GRK7: variants seen among roughly 807,000 people sequenced by gnomAD.
GRK7 encodes the protein G protein-coupled receptor kinase 7.
In GRK7, 24 loss-of-function variants were observed where a neutral mutation model predicts 34.1. The observed-to-expected ratio is 0.70, with a 90% CI of 0.51 to 0.99. The LOEUF (loss-of-function observed/expected upper bound fraction) is 0.99. Ranked by LOEUF, GRK7 falls within the 50% of genes least tolerant of loss-of-function variation. The pLI, the probability that GRK7 is intolerant of heterozygous loss-of-function variation, is 0.00. For missense variants in GRK7, 644 were observed against 707.3 expected (o/e 0.91, Z 1.02); for synonymous variants, 256 against 279.4 (o/e 0.92, Z 0.84).
Position 141,816,896 on chromosome 3 carries a change from A to G in GRK7, c.1508A>G (p.Gln503Arg). 6.2e-7 allele frequency: 1 copy of G among 1,614,186 alleles called. No individual in the cohort carries two copies. The highest frequency in any genetic ancestry group is 8.5e-7 in the Non-Finnish European group (1 of 1,180,038). The change falls in exon 6 of 6, where the codon CAG becomes CGG. Residue 503 changes from glutamine to arginine, a missense_variant. By Grantham distance (43) the Gln-to-Arg change is conservative. Coordinates refer to ENST00000682958, the MANE Select transcript of GRK7 (RefSeq NM_139209.3). Reference protein sequence around the residue: ...RGVEFDDKDKQFFKNFATGAV... With the variant: ...RGVEFDDKDKRFFKNFATGAV... ...GTGGAATTTGATGACAAAGATAAGCAGTTCTTCAAAAACTTTGCGACAGGT... is the reference window on the plus strand; with the variant it reads ...GTGGAATTTGATGACAAAGATAAGCGGTTCTTCAAAAACTTTGCGACAGGT...
chr3:141,798,148 GATCT>G (rs1710914528), intron 4 of GRK7, among the ~76,000 whole-genome samples: 1 of 152,146 alleles, frequency 6.6e-6, no homozygotes. Context: ...ACGGGCTTGG[GATCT>G]TAATCACACC....
In GRK7 at chr3:141,817,155, C is replaced by T; in HGVS notation, c.*105C>T. On this transcript the variant is annotated 3_prime_UTR_variant, in exon 6 of 6. Transcript: ENST00000682958. The stretch of plus-strand genomic sequence containing the variant: ...ATGAGGGCTAATCAGTTAGGAGGGA[C>T]ATCACAACCACAAAACAATTCAAAA... 1.3e-6 allele frequency: 1 copy of T among 793,130 alleles called. No homozygotes were observed. Among genetic ancestry groups the T allele is most frequent in the African/African-American group, 1.7e-5 (1 of 58,184 alleles). 49.1% of individuals were successfully genotyped at this position (793,130 alleles called of 1,614,324 possible). A position where few individuals can be genotyped will look rare whatever the true frequency, so the allele number is the denominator to read the frequency against.
intron 4 of GRK7, among the ~76,000 whole-genome samples, chr3:141,806,806 G>A (rs913950536): frequency 1.3e-5 from 2 of 151,920 alleles, no homozygotes; most frequent in African/African-American, 4.8e-5. Context: ...CTGGAGATTG[G>A]TTGCACAACA....
rs759524252 is a variant in GRK7 at position 141,765,026 on chromosome 3, G to A, written c.-927G>A. On this transcript the variant is annotated 5_prime_UTR_variant, in exon 1 of 6. In the 5' UTR this introduces an upstream ATG that the reference lacks. Coordinates refer to ENST00000682958, the MANE Select transcript of GRK7 (RefSeq NM_139209.3). ...GTTTTAACCCTTGCCCCTTCTGTCTGTGATCCTGTTAAAATGTCCATCTGA... is the reference window on the plus strand; with the variant it reads ...GTTTTAACCCTTGCCCCTTCTGTCTATGATCCTGTTAAAATGTCCATCTGA... Among the ~76,000 whole-genome samples the A allele has an allele frequency of 6.6e-6, 1 of 152,192 alleles. No homozygotes were observed. The highest frequency in any genetic ancestry group is 2.4e-5 in the African/African-American group (1 of 41,446).
rs367713100 is a variant in GRK7 at position 141,774,732 on chromosome 3, T to G, written c.-114+52T>G. On this transcript the variant is annotated intron_variant, in intron 2 of 5. Transcript: ENST00000682958. ...AGGTACCATATTATCATTTTATAAC[T>G]TCTATATTTTGTGTCAAATATTATT... Among the ~76,000 whole-genome samples the G allele has an allele frequency of 5.1e-4, 77 of 151,856 alleles. 1 individual carries two copies. The South Asian group carries it at 0.015, about 30-fold the overall frequency.
intron 5 of GRK7, among the ~76,000 whole-genome samples, chr3:141,815,235 G>C (rs9682877): frequency 1.1e-4 from 2 of 17,868 alleles, no homozygotes; most frequent in Admixed American, 1.3e-3. Flanking sequence ...GGTTTTTTTT[G>C]TTTGTTTGTT....
chr3:141,803,240 A>C (rs977633810), intron 4 of GRK7, among the ~76,000 whole-genome samples: 8 of 147,202 alleles, frequency 5.4e-5, no homozygotes, highest in Non-Finnish European at 7.4e-5. Flanking sequence ...CAGCCTGGCC[A>C]ACATGGTGAA....
At chr3:141,793,409 G>A (rs969069510) in intron 4 of GRK7, among the ~76,000 whole-genome samples, 3 of 152,208 alleles carry the variant, frequency 2.0e-5, no homozygotes, top group Non-Finnish European at 4.4e-5. Flanking sequence ...ATTGCTGGCT[G>A]GTTTGTGTTT....
chr3:141,766,147 T>TGGGGTC (rs774358886), intron 1 of GRK7, among the ~76,000 whole-genome samples: 73,850 of 151,436 alleles, frequency 0.49, 18,355 homozygotes, highest in South Asian at 0.62. Flanking sequence ...CATTTAACAT[T>TGGGGTC]TACACGCTTA....
chr3:141,779,649 C>T (rs574607726), intron 3 of GRK7, among the ~76,000 whole-genome samples: 3 of 152,298 alleles, frequency 2.0e-5, no homozygotes, highest in South Asian at 2.1e-4. Context: ...ATCCAAGACA[C>T]TCTCATCACC....
chr3:141,778,385 G>A lies in GRK7; in HGVS notation c.101G>A (p.Arg34Gln), dbSNP rs1175207372. ...GACAGCAAAGAGCTGCAGCGGCGGCGGCGTAGCCTGGCCCTGCCCGGGCTG... is the reference window on the plus strand; with the variant it reads ...GACAGCAAAGAGCTGCAGCGGCGGCAGCGTAGCCTGGCCCTGCCCGGGCTG... The part of the protein sequence containing the change: ...DCDSKELQRR[R>Q]RSLALPGLQG... The change falls in exon 3 of 6, where the codon CGG (arginine) becomes CAG (glutamine). Residue 34 changes from arginine to glutamine, a missense_variant. Arg to Gln is a conservative substitution (Grantham distance 43). Transcript: ENST00000682958. This position sits in a 1 kb window ranked among gnomAD's most constrained non-coding sequence, Gnocchi z 4.1. 6 of 1,611,746 alleles carry A rather than the reference G, an allele frequency of 3.7e-6. No homozygotes were observed. The highest frequency in any genetic ancestry group is 1.3e-5 in the African/African-American group (1 of 74,914).
At chr3:141,786,932 C>T (rs561693167) in intron 4 of GRK7, among the ~76,000 whole-genome samples, 62 of 152,278 alleles carry the variant, frequency 4.1e-4, no homozygotes, top group African/African-American at 1.3e-3. Flanking sequence ...GGCCTCTGTG[C>T]ACCCTGCTGG....
At chr3:141,777,799 G>T (rs1177204769) in intron 2 of GRK7, among the ~76,000 whole-genome samples, 1 of 152,086 alleles carries the variant, frequency 6.6e-6, no homozygotes. Context: ...GGAGGAAACT[G>T]CTCTGACTTC....
intron 4 of GRK7, among the ~76,000 whole-genome samples, chr3:141,796,754 A>T (rs1710884811): frequency 6.6e-6 from 1 of 152,190 alleles, no homozygotes; most frequent in Non-Finnish European, 1.5e-5. Flanking sequence ...GAAACCACTG[A>T]AGAACACGCT....
At chr3:141,798,984 G>GGGCC (rs1710922264) in intron 4 of GRK7, among the ~76,000 whole-genome samples, 1 of 152,210 alleles carries the variant, frequency 6.6e-6, no homozygotes, top group Non-Finnish European at 1.5e-5. Flanking sequence ...GGGGTCTACA[G>GGGCC]TGCTGTAAAG....
rs74446367 is a variant in GRK7 at position 141,782,174 on chromosome 3, C to T, written c.1050+1363C>T. Among the ~76,000 whole-genome samples the T allele has an allele frequency of 7.0e-3, 1,071 of 152,200 alleles. 11 individuals carry two copies. The highest frequency in any genetic ancestry group is 0.017 in the Middle Eastern group (5 of 294). On this transcript the variant is annotated intron_variant, in intron 4 of 5. Coordinates refer to ENST00000682958, the MANE Select transcript of GRK7 (RefSeq NM_139209.3). ...GATTTCTGTCTTAAAAAGACCAATGCGGCAACAATTTGGAAGTTAGATGGT... is the reference window on the plus strand; with the variant it reads ...GATTTCTGTCTTAAAAAGACCAATGTGGCAACAATTTGGAAGTTAGATGGT...
intron 4 of GRK7, among the ~76,000 whole-genome samples, chr3:141,791,157 C>G (rs2084722206): frequency 6.6e-6 from 1 of 152,142 alleles, no homozygotes; most frequent in Non-Finnish European, 1.5e-5. Flanking sequence ...CCTGGTCCTG[C>G]CTTGAAGTCT....
At position 141,817,002 on chromosome 3, in the gene GRK7, T is replaced by G. The variant is rs1179702738; in HGVS notation, c.1614T>G (p.Gly538=). ...EELNDPNRPT[G]CEEGNSSKSG... is the part of the protein sequence containing the mutation. ...TGAATGACCCCAACAGACCTACGGG[T>G]TGTGAGGAGGGTAATTCATCCAAGT... Residue 538 remains glycine (G), a synonymous_variant, in exon 6 of 6, where the codon GGT becomes GGG. Coordinates refer to ENST00000682958, the MANE Select transcript of GRK7 (RefSeq NM_139209.3). 1.9e-6 allele frequency: 3 copies of G among 1,612,282 alleles called. No individual in the cohort carries two copies. Among genetic ancestry groups the G allele is most frequent in the African/African-American group, 1.3e-5 (1 of 74,792 alleles).
rs1476264029 is a variant in GRK7 at position 141,787,362 on chromosome 3, GC to G, written c.1050+6553del. Among the ~76,000 whole-genome samples, 6 of 152,188 alleles carry G rather than the reference GC, an allele frequency of 3.9e-5. No individual in the cohort carries two copies. In the East Asian group the frequency reaches 7.7e-4, roughly 20 times the overall value. Reference sequence around the variant, plus strand: ...AGAAGGGCTGGGTGCTATGGCTGATGCCTATAATCCCAGCAGTTTGGGAGGC... The same window carrying G: ...AGAAGGGCTGGGTGCTATGGCTGATGCTATAATCCCAGCAGTTTGGGAGGC... On this transcript the variant is annotated intron_variant, in intron 4 of 5. Transcript: ENST00000682958.
Sources: gnomAD v4.1 joint callset for allele counts (sites outside exome capture counted in the v4.1 genomes callset) on GRCh38, gnomAD v4.1.1 for gene constraint, Gnocchi (gnomAD v3.1) non-coding constraint, MANE v1.5 for transcripts, NCBI Gene and HGNC (gene_info 2026-07-23, HGNC 2026-07-21) for gene names.